Variants in ZNF528 observed in about 807,000 individuals in gnomAD.
The protein encoded by ZNF528 is zinc finger protein 528.
A neutral mutation model predicts 13.3 loss-of-function variants in ZNF528; 9 were observed. The ratio of observed to expected loss-of-function variants is 0.67; its 90% confidence interval spans 0.41 to 1.18. The LOEUF (loss-of-function observed/expected upper bound fraction) is 1.18, where lower values mean the gene tolerates loss of function less well. ZNF528 is among the 50% of genes most tolerant of loss of function. The pLI, the probability that ZNF528 is intolerant of heterozygous loss-of-function variation, is 0.01. For missense variants in ZNF528, 858 were observed against 745.4 expected (o/e 1.15, Z -1.76); for synonymous variants, 264 against 254.3 (o/e 1.04, Z -0.36).
rs772663666 is a variant in ZNF528 at position 52,416,566 on chromosome 19, A to G, written c.1714A>G (p.Thr572Ala). ...SGLTAHLAIH[T>A]EKKSHECKEC... is the part of the protein sequence containing the mutation. ...CCTTACTGCCCATCTTGCAATCCAT[A>G]CTGAAAAGAAATCTCATGAGTGTAA... The change falls in exon 7 of 7, where the codon ACT becomes GCT. Residue 572 changes from threonine to alanine, a missense_variant. Coordinates refer to ENST00000360465, the MANE Select transcript of ZNF528 (RefSeq NM_032423.3). 2.5e-6 allele frequency: 4 copies of G among 1,614,192 alleles called. No individual in the cohort carries two copies. The highest frequency in any genetic ancestry group is 2.2e-5 in the South Asian group (2 of 91,082).
chr19:52,402,093 T>C, intron 4 of ZNF528, 65 bp downstream of exon 4: 1 of 1,611,580 alleles, frequency 6.2e-7, no homozygotes, highest in Non-Finnish European at 8.5e-7. Flanking sequence ...GGCATTGGAG[T>C]TGCTAATCTT....
intron 5 of ZNF528, 109 bp downstream of exon 5, chr19:52,406,142 T>C (rs933297468): frequency 1.0e-5 from 14 of 1,354,274 alleles, no homozygotes; most frequent in East Asian, 2.4e-5. Context: ...ATTGAAACCA[T>C]GTTGACTCAG....
chr19:52,409,517 T>C lies in ZNF528; in HGVS notation c.271+2874T>C, dbSNP rs561351979. On this transcript the variant is annotated intron_variant, in intron 6 of 6. Transcript: ENST00000360465. ...ATTTAATTGTCTATCTCATTTATGT[T>C]TCAGCTGGTTAAGCATCTTAAGACA... Among the ~76,000 whole-genome samples the C allele has an allele frequency of 1.4e-3, 206 of 152,254 alleles. 1 individual carries two copies. Among genetic ancestry groups the C allele is most frequent in the Non-Finnish European group, 2.2e-3 (150 of 68,018 alleles).
intron 6 of ZNF528, among the ~76,000 whole-genome samples, chr19:52,409,585 T>C (rs1686641924): frequency 1.3e-5 from 2 of 152,218 alleles, no homozygotes; most frequent in South Asian, 4.1e-4. Context: ...GCTGCCTTTT[T>C]CTAGGTTGGG....
chr19:52,412,107 A>G (rs1264225441), intron 6 of ZNF528: 3 of 152,216 alleles, frequency 2.0e-5, no homozygotes, highest in Non-Finnish European at 2.9e-5. Flanking sequence ...AGGTAGGTCT[A>G]TTAGAGGCTA....
At chr19:52,409,934 C>T (rs989915573) in intron 6 of ZNF528, among the ~76,000 whole-genome samples, 1 of 152,116 alleles carries the variant, frequency 6.6e-6, no homozygotes, top group East Asian at 1.9e-4. Flanking sequence ...AGGCTGGTCT[C>T]GAACTCCTGA....
chr19:52,409,646 TG>T (rs1568427079), intron 6 of ZNF528, among the ~76,000 whole-genome samples: 1 of 152,142 alleles, frequency 6.6e-6, no homozygotes, highest in African/African-American at 2.4e-5. Flanking sequence ...AATGTCCTTA[TG>T]TAGGCCTTGT....
rs2290744 is a variant in ZNF528, at chr19:52,405,996, C to T, written c.105C>T (p.Asp35=). The T allele has an allele frequency of 8.1e-6, 13 of 1,611,386 alleles. No individual in the cohort carries two copies. In the East Asian group the frequency reaches 8.9e-5, roughly 11 times the overall value. The change falls in exon 5 of 7, where the codon GAC becomes GAT. Residue 35 remains aspartate, a synonymous_variant. Coordinates refer to ENST00000360465, the MANE Select transcript of ZNF528 (RefSeq NM_032423.3). ...LDPAQRTLYR[D]VMLENYRNLV... ...CTGCGCAGAGGACTTTATACAGGGA[C>T]GTGATGTTGGAGAATTATAGGAACC...
At position 52,416,203 on chromosome 19, in the gene ZNF528, G is replaced by A. The variant is rs1042449774; in HGVS notation, c.1351G>A (p.Asp451Asn). Residue 451 changes from aspartate to asparagine, a missense_variant, in exon 7 of 7, where the codon GAC (aspartate) becomes AAC (asparagine). By Grantham distance (23) the Asp-to-Asn change is conservative. Coordinates refer to ENST00000360465, the MANE Select transcript of ZNF528 (RefSeq NM_032423.3). ...TGGCACAGCGTTTAGAGAGTTTTCAGACCTTACTGCCCATTTTCTAATCCA... is the reference window on the plus strand; with the variant it reads ...TGGCACAGCGTTTAGAGAGTTTTCAAACCTTACTGCCCATTTTCTAATCCA... Reference protein sequence around the residue: ...KCGTAFREFSDLTAHFLIHSG... With the variant: ...KCGTAFREFSNLTAHFLIHSG... The A allele has an allele frequency of 1.9e-6, 3 of 1,613,422 alleles. No individual in the cohort carries two copies.
chr19:52,403,564 G>A lies in ZNF528; in HGVS notation c.15+1536G>A, dbSNP rs368306891. ...AGACCCAGCTACTTGGGCGGCTGAG[G>A]TAGGAGAATCGCTTCAGCCTCAGAG... On this transcript the variant is annotated intron_variant, in intron 4 of 6. Transcript: ENST00000360465. 2.0e-5 allele frequency among the ~76,000 whole-genome samples: 3 copies of A among 149,270 alleles called. No individual in the cohort carries two copies. In the South Asian group the frequency reaches 6.5e-4, roughly 32 times the overall value.
chr19:52,406,714 T>G (rs1328496018), intron 6 of ZNF528, 71 bp downstream of exon 6: 1 of 1,533,822 alleles, frequency 6.5e-7, no homozygotes, highest in African/African-American at 1.4e-5. Flanking sequence ...AACGCTGTCA[T>G]CCAGGCTAGA....
chr19:52,414,555 C>A, intron 6 of ZNF528: 1 of 507,952 alleles, frequency 2.0e-6, no homozygotes, highest in Non-Finnish European at 3.5e-6. Context: ...GTAGATGTCC[C>A]AGTAGATAAT....
chr19:52,416,128 C>T lies in ZNF528; in HGVS notation c.1276C>T (p.Arg426Ter), dbSNP rs142519187. The T allele has an allele frequency of 2.4e-5, 38 of 1,613,822 alleles. No individual in the cohort carries two copies. The highest frequency in any genetic ancestry group is 1.3e-4 in the East Asian group (6 of 44,874). Residue 426 changes from arginine (R) to a stop codon, truncating the protein, a stop_gained, in exon 7 of 7, where the codon CGA becomes TGA. Coordinates refer to ENST00000360465, the MANE Select transcript of ZNF528 (RefSeq NM_032423.3). LOFTEE classifies it low-confidence loss of function (END_TRUNC). ...CTTTAGTCAGAAATCAGACCTTATA[C>T]GACATCGAAAAACTCATACTGATGA... ...KIFSQKSDLI[R>*]HRKTHTDEKP...
intron 6 of ZNF528, chr19:52,413,069 G>A (rs1275205857): frequency 2.0e-5 from 3 of 152,140 alleles, no homozygotes; most frequent in Non-Finnish European, 2.9e-5. Context: ...TTGTAATCTC[G>A]CAAGAAATTG....
Position 52,398,512 on chromosome 19 carries a change from C to T in ZNF528, c.-244C>T, listed in dbSNP as rs142647163. 41 of 930,530 alleles carry T rather than the reference C, an allele frequency of 4.4e-5. No homozygotes were observed. The Admixed American group carries it at 1.1e-3, about 25-fold the overall frequency. The allele number at this position is 930,530 out of a possible 1,614,324, so 57.6% of individuals were successfully genotyped here. A position where few individuals can be genotyped will look rare whatever the true frequency, so the allele number is the denominator to read the frequency against. Reference sequence around the variant, plus strand: ...GTGGGCATCTTATTCCAATCCCCTCCCTGTGAATGTGTGGAGAAAAAGAGA... The same window carrying T: ...GTGGGCATCTTATTCCAATCCCCTCTCTGTGAATGTGTGGAGAAAAAGAGA... On this transcript the variant is annotated 5_prime_UTR_variant, in exon 2 of 7. Coordinates refer to ENST00000360465, the MANE Select transcript of ZNF528 (RefSeq NM_032423.3).
chr19:52,409,302 CT>C (rs201367844), intron 6 of ZNF528, among the ~76,000 whole-genome samples: 2,700 of 140,412 alleles, frequency 0.019, 73 homozygotes, highest in African/African-American at 0.062. Flanking sequence ...GATCAAATCT[CT>C]TTTTTTTTTT....
intron 4 of ZNF528, among the ~76,000 whole-genome samples, chr19:52,403,742 T>G (rs1439776467): frequency 6.6e-6 from 1 of 150,940 alleles, no homozygotes; most frequent in Non-Finnish European, 1.5e-5. Flanking sequence ...TGTGTACTAG[T>G]GTATATGAGT....
At chr19:52,414,382 A>G in intron 6 of ZNF528, 1 of 698,372 alleles carries the variant, frequency 1.4e-6, no homozygotes, top group Non-Finnish European at 2.6e-6. Flanking sequence ...TATATTTGGA[A>G]GAAGGGGTCA....
rs1194136240 is a variant in ZNF528, at chr19:52,416,375, TG to T, written c.1525del (p.Val509TyrfsTer33). ...CGKVFSRSSN[L>X]VCHQKIHTGE... ...AAGGTCTTCAGTCGCAGTTCAAACCTGGTATGCCATCAGAAAATTCATACAG... is the reference window on the plus strand; with the variant it reads ...AAGGTCTTCAGTCGCAGTTCAAACCTGTATGCCATCAGAAAATTCATACAG... On this transcript the variant is annotated frameshift_variant, in exon 7 of 7. Coordinates refer to ENST00000360465, the MANE Select transcript of ZNF528 (RefSeq NM_032423.3). LOFTEE classifies it low-confidence loss of function (END_TRUNC). The T allele has an allele frequency of 2.5e-6, 4 of 1,613,926 alleles. No individual in the cohort carries two copies. Among genetic ancestry groups the T allele is most frequent in the Non-Finnish European group, 3.4e-6 (4 of 1,179,916 alleles).
Sources: allele counts gnomAD v4.1 joint callset (sites outside exome capture counted in the v4.1 genomes callset), GRCh38; gene constraint gnomAD v4.1.1; transcripts MANE v1.5; gene names NCBI Gene and HGNC (gene_info 2026-07-23, HGNC 2026-07-21).